Variants in HTR1F observed in about 807,000 individuals in gnomAD.
HTR1F encodes the protein 5-hydroxytryptamine receptor 1F, also known as 5-hydroxytryptamine (serotonin) receptor 1F, G protein-coupled.
A neutral mutation model predicts 24.0 loss-of-function variants in HTR1F; 17 were observed. That is an observed-to-expected ratio of 0.71 (90% CI 0.48 to 1.06). The LOEUF is 1.06. HTR1F is among the 50% of genes least tolerant of loss of function. The pLI, the probability that HTR1F is intolerant of heterozygous loss-of-function variation, is 0.00. For missense variants in HTR1F, 391 were observed against 427.8 expected (o/e 0.91, Z 0.76); for synonymous variants, 186 against 156.8 (o/e 1.19, Z -1.39).
chr3:87,922,032 G>T (rs2107378736), intron 2 of HTR1F, among the ~76,000 whole-genome samples: 1 of 152,006 alleles, frequency 6.6e-6, no homozygotes, highest in Non-Finnish European at 1.5e-5. Flanking sequence ...CCTTTCTTTG[G>T]ATGCATACCC....
At chr3:87,808,251 C>T (rs1704104995) in intron 1 of HTR1F, among the ~76,000 whole-genome samples, 2 of 151,780 alleles carry the variant, frequency 1.3e-5, no homozygotes, top group Admixed American at 6.6e-5. Flanking sequence ...AGGTCCTGTA[C>T]TTCTGTTGTT....
At chr3:87,802,029 C>A (rs1177328659) in intron 1 of HTR1F, among the ~76,000 whole-genome samples, 2 of 132,120 alleles carry the variant, frequency 1.5e-5, no homozygotes, top group Non-Finnish European at 3.0e-5. Context: ...CTTTCCCTCC[C>A]TTCTTCCCTC....
intron 2 of HTR1F, among the ~76,000 whole-genome samples, chr3:87,886,572 G>A (rs1418285529): frequency 1.3e-5 from 2 of 152,178 alleles, no homozygotes; most frequent in African/African-American, 2.4e-5. Flanking sequence ...CAGATGACAT[G>A]ACTGTATATT....
chr3:87,982,377 A>G (rs77608513), intron 2 of HTR1F, among the ~76,000 whole-genome samples: 2,216 of 152,344 alleles, frequency 0.015, 21 homozygotes, highest in Non-Finnish European at 0.026. Flanking sequence ...AAAAAGAAGA[A>G]AGTCTGTCTT....
At chr3:87,924,042 T>A (rs563592860) in intron 2 of HTR1F, among the ~76,000 whole-genome samples, 1 of 152,234 alleles carries the variant, frequency 6.6e-6, no homozygotes, top group South Asian at 2.1e-4. Context: ...ACTGTTTGAT[T>A]TTTTGAAATA....
At chr3:87,807,754 G>T (rs921827525) in intron 1 of HTR1F, among the ~76,000 whole-genome samples, 3 of 151,868 alleles carry the variant, frequency 2.0e-5, no homozygotes, top group Non-Finnish European at 4.4e-5. Flanking sequence ...TTACCTGTGG[G>T]TTTATTACAT....
At chr3:87,918,828 T>TC (rs1172198675) in intron 2 of HTR1F, among the ~76,000 whole-genome samples, 1 of 151,864 alleles carries the variant, frequency 6.6e-6, no homozygotes, top group Admixed American at 6.6e-5. Flanking sequence ...CAATGCAGTC[T>TC]CCATCAGAAT....
intron 2 of HTR1F, among the ~76,000 whole-genome samples, chr3:87,901,645 A>G (rs146379936): frequency 2.0e-3 from 310 of 152,218 alleles, no homozygotes; most frequent in African/African-American, 7.3e-3. Context: ...CCAACTGCTT[A>G]AGCGATTATG....
intron 2 of HTR1F, among the ~76,000 whole-genome samples, chr3:87,885,025 C>T (rs1456698890): frequency 2.6e-5 from 4 of 152,202 alleles, no homozygotes; most frequent in African/African-American, 9.7e-5. Context: ...CTCCCCAAAT[C>T]GACAGAATAT....
Position 87,991,266 on chromosome 3 carries a change from A to G in HTR1F, c.517A>G (p.Ile173Val). 6.2e-7 allele frequency: 1 copy of G among 1,614,018 alleles called. No individual in the cohort carries two copies. Among genetic ancestry groups the G allele is most frequent in the Non-Finnish European group, 8.5e-7 (1 of 1,179,922 alleles). ...AGGAACTAGCAGAGATGATGAATGC[A>G]TCATCAAGCACGACCACATTGTTTC... is the stretch of plus-strand genomic sequence containing the variant. ...HQGTSRDDEC[I>V]IKHDHIVSTI... The change falls in exon 3 of 3, where the codon ATC becomes GTC. Residue 173 changes from isoleucine (I) to valine (V), a missense_variant. Transcript: ENST00000319595.
chr3:87,813,527 G>A (rs1306170992), intron 1 of HTR1F, among the ~76,000 whole-genome samples: 3 of 152,206 alleles, frequency 2.0e-5, no homozygotes, highest in African/African-American at 7.2e-5. Flanking sequence ...GCTGAAATGA[G>A]TTAAGACTTT....
chr3:87,920,542 G>A (rs1161083415), intron 2 of HTR1F, among the ~76,000 whole-genome samples: 2 of 151,954 alleles, frequency 1.3e-5, no homozygotes, highest in African/African-American at 4.8e-5. Flanking sequence ...AATAAATCAT[G>A]ACACGTAAAA....
rs1433810967 is a variant in HTR1F, at chr3:87,869,428, GATAGATAC to G, written c.-43+47312_-43+47319del. Among the ~76,000 whole-genome samples, 11 of 125,744 alleles carry G rather than the reference GATAGATAC, an allele frequency of 8.7e-5. No homozygotes were observed. The East Asian group carries it at 9.1e-4, about 10-fold the overall frequency. 82.5% of individuals were successfully genotyped at this position (125,744 alleles called of 152,430 possible). On this transcript the variant is annotated intron_variant, in intron 2 of 2. Transcript: ENST00000319595. Reference sequence around the variant, plus strand: ...AGATAGATAGATAGATAGATAGATAGATAGATACATAGATAGATAGATAGATGATAGAT... The same window carrying G: ...AGATAGATAGATAGATAGATAGATAGATAGATAGATAGATAGATGATAGAT...
chr3:87,850,104 C>T (rs1705047317), intron 2 of HTR1F, among the ~76,000 whole-genome samples: 1 of 151,956 alleles, frequency 6.6e-6, no homozygotes, highest in Admixed American at 6.5e-5. Context: ...CATCCCATTA[C>T]TGGGTATATA....
rs189625783 is a variant in HTR1F at position 87,884,158 on chromosome 3, C to A, written c.-43+62034C>A. ...AACAGTGGATCTCTTGGCAGAAACT[C>A]TACAAGCCACAAGGGAGTGGGGGCC... On this transcript the variant is annotated intron_variant, in intron 2 of 2. Coordinates refer to ENST00000319595, the MANE Select transcript of HTR1F (RefSeq NM_001322209.2). Among the ~76,000 whole-genome samples, 536 of 152,268 alleles carry A rather than the reference C, an allele frequency of 3.5e-3. 2 individuals are homozygous for A. Among genetic ancestry groups the A allele is most frequent in the African/African-American group, 0.012 (506 of 41,554 alleles).
At chr3:87,914,313 T>A (rs1365290155) in intron 2 of HTR1F, among the ~76,000 whole-genome samples, 2 of 152,046 alleles carry the variant, frequency 1.3e-5, no homozygotes, top group Non-Finnish European at 2.9e-5. Context: ...CAGCTGAATT[T>A]TGTAACAATT....
rs1267908337 is a variant in HTR1F at position 87,876,383 on chromosome 3, T to C, written c.-43+54259T>C. On this transcript the variant is annotated intron_variant, in intron 2 of 2. Transcript: ENST00000319595. ...TGTCCATTGATGGACAAAGAAAATGTGAAAATGAAAAGAAAATGTGGTATA... is the reference window on the plus strand; with the variant it reads ...TGTCCATTGATGGACAAAGAAAATGCGAAAATGAAAAGAAAATGTGGTATA... Among the ~76,000 whole-genome samples the C allele has an allele frequency of 6.6e-5, 10 of 151,962 alleles. 1 individual carries two copies. In the South Asian group the frequency reaches 1.0e-3, roughly 16 times the overall value.
chr3:87,805,533 A>G (rs982623217), intron 1 of HTR1F, among the ~76,000 whole-genome samples: 1 of 151,920 alleles, frequency 6.6e-6, no homozygotes, highest in African/African-American at 2.4e-5. Context: ...ATATATAGAG[A>G]GTACATGTAA....
chr3:87,843,816 T>C (rs1366233398), intron 2 of HTR1F, among the ~76,000 whole-genome samples: 1 of 151,716 alleles, frequency 6.6e-6, no homozygotes, highest in Non-Finnish European at 1.5e-5. Flanking sequence ...CTGAGAATGA[T>C]GGTTTCCAAT....
Sources: allele counts gnomAD v4.1 joint callset (sites outside exome capture counted in the v4.1 genomes callset), GRCh38; gene constraint gnomAD v4.1.1; transcripts MANE v1.5; gene names NCBI Gene and HGNC (gene_info 2026-07-23, HGNC 2026-07-21).